Variants in DAPK1 observed in about 807,000 individuals in gnomAD.
DAPK1 encodes death-associated protein kinase 1.
In DAPK1, 56 loss-of-function variants were observed where a neutral mutation model predicts 144.9. That is an observed-to-expected ratio of 0.39 (90% CI 0.31 to 0.48). The LOEUF (loss-of-function observed/expected upper bound fraction) is 0.48, where lower values mean the gene tolerates loss of function less well. Ranked by LOEUF, DAPK1 falls within the 20% of genes least tolerant of loss-of-function variation. The pLI, the probability that DAPK1 is intolerant of heterozygous loss-of-function variation, is 0.95. For synonymous variants in DAPK1, 690 were observed against 749.0 expected (o/e 0.92, Z 1.29); for missense variants, 1,454 against 1,875.4 (o/e 0.78, Z 4.15).
intron 2 of DAPK1, among the ~76,000 whole-genome samples, chr9:87,522,882 A>C (rs551217939): frequency 6.6e-6 from 1 of 152,230 alleles, no homozygotes; most frequent in South Asian, 2.1e-4. Context: ...TTTAAGAACT[A>C]TTTGTCTCTG....
At chr9:87,577,730 G>A (rs977808501) in intron 2 of DAPK1, among the ~76,000 whole-genome samples, 16 of 152,248 alleles carry the variant, frequency 1.1e-4, no homozygotes, top group East Asian at 3.9e-4. Context: ...CCCGGGAGGC[G>A]GAGGTTGCAG....
intron 2 of DAPK1, among the ~76,000 whole-genome samples, chr9:87,564,232 C>A (rs1300789812): frequency 6.6e-6 from 1 of 152,126 alleles, no homozygotes; most frequent in East Asian, 1.9e-4. Context: ...GACTCAGATC[C>A]TGGCACACAG....
rs1409102903 is a variant in DAPK1, at chr9:87,532,001, G to A, written c.62+32862G>A. Among the ~76,000 whole-genome samples, 4 of 152,166 alleles carry A rather than the reference G, an allele frequency of 2.6e-5. No individual in the cohort carries two copies. The East Asian group carries it at 5.8e-4, about 22-fold the overall frequency. On this transcript the variant is annotated intron_variant, in intron 2 of 25. Transcript: ENST00000408954. ...AGGCATCATCATTACTAACAAACAC[G>A]TTCCTGAACAGGCCTTAGTGCTAAG...
intron 11 of DAPK1, 116 bp from the exon 12 acceptor site, chr9:87,645,779 G>A (rs1830245656): frequency 2.8e-5 from 38 of 1,349,254 alleles, no homozygotes; most frequent in Non-Finnish European, 3.8e-5. Flanking sequence ...GGGAGTAAAT[G>A]GCTTACTTTC....
At chr9:87,575,494 G>T (rs1587732794) in intron 2 of DAPK1, among the ~76,000 whole-genome samples, 3 of 152,130 alleles carry the variant, frequency 2.0e-5, no homozygotes, top group Non-Finnish European at 2.9e-5. Context: ...ACCTTAAGGA[G>T]CGTGTGGTTT....
chr9:87,576,921 G>T (rs1482810937), intron 2 of DAPK1, among the ~76,000 whole-genome samples: 1 of 152,160 alleles, frequency 6.6e-6, no homozygotes, highest in Admixed American at 6.5e-5. Context: ...TAGCACTGCT[G>T]TGAGCACGAG....
chr9:87,556,301 G>A (rs975312846), intron 2 of DAPK1, among the ~76,000 whole-genome samples: 11 of 152,284 alleles, frequency 7.2e-5, no homozygotes, highest in African/African-American at 1.9e-4. Context: ...ATTTTATGGA[G>A]GAGGAAACAG....
intron 3 of DAPK1, among the ~76,000 whole-genome samples, chr9:87,617,381 C>T (rs1332612800): frequency 6.6e-6 from 1 of 152,196 alleles, no homozygotes; most frequent in African/African-American, 2.4e-5. Context: ...GAAAGCTCAA[C>T]ACCACCTACC....
intron 3 of DAPK1, among the ~76,000 whole-genome samples, chr9:87,623,132 C>T (rs1829363865): frequency 6.6e-6 from 1 of 152,128 alleles, no homozygotes; most frequent in African/African-American, 2.4e-5. Flanking sequence ...TAATGACTTC[C>T]ACCTTCTTAA....
In DAPK1 at chr9:87,651,727, A is replaced by G; in HGVS notation, c.1824+3A>G. 3 of 1,613,666 alleles carry G rather than the reference A, an allele frequency of 1.9e-6. No individual in the cohort carries two copies. The highest frequency in any genetic ancestry group is 1.1e-5 in the South Asian group (1 of 90,990). On this transcript the variant is annotated splice_donor_region_variant and intron_variant, in intron 17 of 25. Transcript: ENST00000408954. ...GCAATTTGGACATCTCCAACAAGGT[A>G]TGCACAGAGAACAGGATCCCTACAG... is the stretch of plus-strand genomic sequence containing the variant.
intron 2 of DAPK1, among the ~76,000 whole-genome samples, chr9:87,597,510 T>G (rs1345768599): frequency 6.6e-6 from 1 of 152,202 alleles, no homozygotes; most frequent in Non-Finnish European, 1.5e-5. Context: ...AAATCCTGTC[T>G]TCTTGGCTTC....
chr9:87,649,865 T>C, intron 15 of DAPK1, 56 bp from the exon 16 acceptor site: 1 of 1,578,774 alleles, frequency 6.3e-7, no homozygotes, highest in Non-Finnish European at 8.7e-7. Flanking sequence ...CCTTGCTTTA[T>C]ACTTTGTTTC....
chr9:87,618,500 T>A (rs573334914), intron 3 of DAPK1, among the ~76,000 whole-genome samples: 1 of 152,360 alleles, frequency 6.6e-6, no homozygotes, highest in African/African-American at 2.4e-5. Context: ...GAAGTATTAT[T>A]CATACTAGCC....
intron 4 of DAPK1, 111 bp downstream of exon 4, chr9:87,638,192 C>A: frequency 8.5e-7 from 1 of 1,176,702 alleles, no homozygotes; most frequent in Non-Finnish European, 1.2e-6. Context: ...TTTCCTGTAC[C>A]AGTTTAACAA....
intron 3 of DAPK1, among the ~76,000 whole-genome samples, chr9:87,635,063 C>G (rs1217491277): frequency 2.0e-5 from 3 of 152,074 alleles, no homozygotes; most frequent in Non-Finnish European, 2.9e-5. Context: ...GAGGCCCTGG[C>G]AGGATTTGAA....
intron 18 of DAPK1, among the ~76,000 whole-genome samples, chr9:87,663,952 C>T (rs1023793645): frequency 1.2e-4 from 18 of 152,008 alleles, no homozygotes; most frequent in Non-Finnish European, 2.2e-4. Context: ...TCCATGACCA[C>T]GAAGCACCCG....
intron 2 of DAPK1, among the ~76,000 whole-genome samples, chr9:87,539,332 C>T (rs1191673383): frequency 1.3e-5 from 2 of 151,670 alleles, no homozygotes; most frequent in South Asian, 2.1e-4. Context: ...TCCTTGGTGT[C>T]GCTTTCTGAG....
At chr9:87,654,129 CTG>C (rs979082267) in intron 17 of DAPK1, among the ~76,000 whole-genome samples, 1 of 152,162 alleles carries the variant, frequency 6.6e-6, no homozygotes, top group African/African-American at 2.4e-5. Flanking sequence ...ATGAAAATAA[CTG>C]TGCTTTTAGG....
rs1000898070 is a variant in DAPK1 at position 87,703,139 on chromosome 9, C to T, written c.2982C>T (p.Asp994=). The change falls in exon 25 of 26, where the codon GAC becomes GAT. Residue 994 remains aspartate, a synonymous_variant. Coordinates refer to ENST00000408954, the MANE Select transcript of DAPK1 (RefSeq NM_004938.4). ...TGTCGCTGCAGCAGTTTGTGTACGA[C>T]GTGCAGGACCAGCTGAACCCCCTGG... ...QLMSLQQFVY[D]VQDQLNPLAS... 37 of 1,609,334 alleles carry T rather than the reference C, an allele frequency of 2.3e-5. No individual in the cohort carries two copies. In the African/African-American group the frequency reaches 2.8e-4, roughly 12 times the overall value.
Sources: gnomAD v4.1 joint callset for allele counts (sites outside exome capture counted in the v4.1 genomes callset) on GRCh38, gnomAD v4.1.1 for gene constraint, MANE v1.5 for transcripts, NCBI Gene and HGNC (gene_info 2026-07-23, HGNC 2026-07-21) for gene names.